Variants in ATAD1 observed in about 807,000 individuals in gnomAD.
ATAD1 encodes the protein outer mitochondrial transmembrane helix translocase.
Under a neutral mutation model 42.7 loss-of-function variants are expected in ATAD1, and 18 were observed. The ratio of observed to expected loss-of-function variants is 0.42; its 90% CI spans 0.29 to 0.63. The LOEUF is 0.63. Ranked by LOEUF, ATAD1 falls within the 20% of genes least tolerant of loss-of-function variation. The probability of loss-of-function intolerance (pLI) is 0.19; values close to 1 mark genes in which losing one functional copy is unlikely to be tolerated. For synonymous variants in ATAD1, 132 were observed against 143.1 expected (o/e 0.92, Z 0.55); for missense variants, 294 against 440.4 (o/e 0.67, Z 2.98).
At chr10:87,835,092 T>C (rs1205943719) in intron 1 of ATAD1, among the ~76,000 whole-genome samples, 1 of 152,160 alleles carries the variant, frequency 6.6e-6, no homozygotes, top group Non-Finnish European at 1.5e-5. Flanking sequence ...AAGTTTATTC[T>C]ATTATGATTA....
chr10:87,816,812 A>G (rs991818591), intron 1 of ATAD1, among the ~76,000 whole-genome samples: 1 of 152,228 alleles, frequency 6.6e-6, no homozygotes, highest in African/African-American at 2.4e-5. Context: ...AAAATAATTT[A>G]GACAAGATAA....
intron 4 of ATAD1, among the ~76,000 whole-genome samples, chr10:87,789,823 C>T (rs1047620338): frequency 6.6e-6 from 1 of 152,204 alleles, no homozygotes; most frequent in South Asian, 2.1e-4. Context: ...TCTTGAGTTC[C>T]AAGACTTTCA....
intron 1 of ATAD1, among the ~76,000 whole-genome samples, chr10:87,840,445 A>G (rs1302649196): frequency 6.6e-6 from 1 of 152,208 alleles, no homozygotes; most frequent in Non-Finnish European, 1.5e-5. Flanking sequence ...TGATTGCGCC[A>G]TTGCACTCCA....
At chr10:87,793,225 T>C (rs906407262) in intron 2 of ATAD1, among the ~76,000 whole-genome samples, 3 of 152,212 alleles carry the variant, frequency 2.0e-5, no homozygotes, top group African/African-American at 7.2e-5. Flanking sequence ...TCCAGGTATC[T>C]ACAATAGATG....
chr10:87,800,589 T>C (rs986156874), intron 2 of ATAD1, among the ~76,000 whole-genome samples: 7 of 152,230 alleles, frequency 4.6e-5, no homozygotes, highest in Non-Finnish European at 8.8e-5. Flanking sequence ...TTTGGTTTGC[T>C]TGGGGAAAAA....
chr10:87,837,697 C>T (rs1050430590), intron 1 of ATAD1, among the ~76,000 whole-genome samples: 5 of 152,158 alleles, frequency 3.3e-5, no homozygotes, highest in African/African-American at 1.2e-4. Flanking sequence ...GTGGTATGTA[C>T]TTTCTGGGGC....
In ATAD1 at chr10:87,802,864, T is replaced by C. The variant is rs575511142; in HGVS notation, c.163-10109A>G. ...TCAATTTTTATTATTTTCTATAGTT[T>C]AGACAGAATTCAAACTTTTCTTGGC... On this transcript the variant is annotated intron_variant, in intron 2 of 9. Coordinates refer to ENST00000680024, the MANE Select transcript of ATAD1 (RefSeq NM_001321967.2). 4.1e-4 allele frequency among the ~76,000 whole-genome samples: 62 copies of C among 152,326 alleles called. 1 individual carries two copies. The South Asian group carries it at 0.012, about 30-fold the overall frequency.
chr10:87,819,117 T>G (rs1387302425), upstream of ATAD1: 1 of 152,092 alleles, frequency 6.6e-6, no homozygotes, highest in Non-Finnish European at 1.5e-5. Context: ...TGAGGCATCA[T>G]CTTTGATGGC....
At chr10:87,819,705 G>A (rs1025351087), upstream of ATAD1, among the ~76,000 whole-genome samples, 4 of 152,074 alleles carry the variant, frequency 2.6e-5, no homozygotes, top group Non-Finnish European at 5.9e-5. Flanking sequence ...GGAAATAAAG[G>A]CAACAATTTC....
intron 2 of ATAD1, among the ~76,000 whole-genome samples, chr10:87,793,604 G>T (rs1352699616): frequency 6.6e-6 from 1 of 152,134 alleles, no homozygotes; most frequent in African/African-American, 2.4e-5. Flanking sequence ...AATTCAAGGA[G>T]TCCAACACTA....
chr10:87,752,408 C>T lies in ATAD1; in HGVS notation c.*2279G>A, dbSNP rs904501465. The T allele has an allele frequency of 1.3e-5, 2 of 152,116 alleles. No individual in the cohort carries two copies. The highest frequency in any genetic ancestry group is 3.2e-3 in the Middle Eastern group (1 of 316). 9.4% of individuals were successfully genotyped at this position (152,116 alleles called of 1,614,324 possible). On this transcript the variant is annotated 3_prime_UTR_variant, in exon 10 of 10. Transcript: ENST00000680024. ...GTGTGCAAAAGTGACAATATTAATA[C>T]GACAGCTAACATTTGAGCAGTAATT...
intron 8 of ATAD1, among the ~76,000 whole-genome samples, chr10:87,759,117 A>AT (rs1854362269): frequency 6.6e-6 from 1 of 152,082 alleles, no homozygotes; most frequent in African/African-American, 2.4e-5. Context: ...GTAGTTTTTA[A>AT]TTTTTTGTGA....
chr10:87,830,880 A>G (rs1275719183), intron 1 of ATAD1, among the ~76,000 whole-genome samples: 2 of 152,196 alleles, frequency 1.3e-5, no homozygotes, highest in Non-Finnish European at 2.9e-5. Context: ...GGGAAGATCT[A>G]TATCTATATT....
intron 8 of ATAD1, among the ~76,000 whole-genome samples, chr10:87,766,570 G>A (rs1854759869): frequency 6.6e-6 from 1 of 152,110 alleles, no homozygotes; most frequent in Non-Finnish European, 1.5e-5. Context: ...AACATATGAG[G>A]CCAGGAGTTT....
chr10:87,840,656 C>T (rs959253430), intron 1 of ATAD1, among the ~76,000 whole-genome samples: 29 of 152,166 alleles, frequency 1.9e-4, no homozygotes, highest in African/African-American at 6.5e-4. Flanking sequence ...GGCCTCATAG[C>T]CCTTTTTTCA....
rs1008044215 is a variant in ATAD1, at chr10:87,753,372, A to G, written c.*1315T>C. The G allele has an allele frequency of 6.6e-6, 1 of 152,214 alleles. No individual in the cohort carries two copies. Among genetic ancestry groups the G allele is most frequent in the African/African-American group, 2.4e-5 (1 of 41,454 alleles). 9.4% of individuals were successfully genotyped at this position (152,214 alleles called of 1,614,324 possible). ...TAAATTAATCCAGTGACACATGAATAAAGATTTAGAGTTTTTAAAGAAATA... is the reference window on the plus strand; with the variant it reads ...TAAATTAATCCAGTGACACATGAATGAAGATTTAGAGTTTTTAAAGAAATA... On this transcript the variant is annotated 3_prime_UTR_variant, in exon 10 of 10. Transcript: ENST00000680024.
intron 8 of ATAD1, among the ~76,000 whole-genome samples, chr10:87,765,494 T>TG (rs1466887320): frequency 2.4e-4 from 18 of 73,870 alleles, no homozygotes; most frequent in African/African-American, 3.3e-4. Flanking sequence ...GGGGGGTGGG[T>TG]GGGGGGGAAG....
intron 1 of ATAD1, among the ~76,000 whole-genome samples, chr10:87,817,398 C>T (rs1389000301): frequency 1.3e-5 from 2 of 152,280 alleles, no homozygotes; most frequent in East Asian, 3.9e-4. Flanking sequence ...AAGAAACATC[C>T]TAAAACACTA....
At chr10:87,813,356 T>G (rs953641014) in intron 2 of ATAD1, among the ~76,000 whole-genome samples, 2 of 151,750 alleles carry the variant, frequency 1.3e-5, no homozygotes, top group Non-Finnish European at 2.9e-5. Context: ...GTTTTTCTTT[T>G]TTTTTTTTTT....
Sources: allele counts gnomAD v4.1 joint callset (sites outside exome capture counted in the v4.1 genomes callset), GRCh38; gene constraint gnomAD v4.1.1; transcripts MANE v1.5; gene names NCBI Gene and HGNC (gene_info 2026-07-23, HGNC 2026-07-21).